Variants in ZCCHC17 observed in about 807,000 individuals in gnomAD.
ZCCHC17 encodes zinc finger CCHC domain-containing protein 17.
A neutral mutation model predicts 30.6 loss-of-function variants in ZCCHC17; 18 were observed. The ratio of observed to expected loss-of-function variants is 0.59; its 90% confidence interval spans 0.41 to 0.87. The LOEUF (loss-of-function observed/expected upper bound fraction) is 0.87. Ranked by LOEUF, ZCCHC17 falls within the 40% of genes least tolerant of loss-of-function variation. The pLI is 0.00. For synonymous variants in ZCCHC17, 88 were observed against 92.4 expected (o/e 0.95, Z 0.27); for missense variants, 263 against 284.2 (o/e 0.93, Z 0.54).
intron 7 of ZCCHC17, among the ~76,000 whole-genome samples, chr1:31,359,394 G>A (rs976099319): frequency 1.3e-5 from 2 of 151,980 alleles, no homozygotes; most frequent in African/African-American, 2.4e-5. Flanking sequence ...GGTGGCATGC[G>A]CCTGTAGTCC....
At chr1:31,320,914 G>T (rs1302874192) in intron 3 of ZCCHC17, among the ~76,000 whole-genome samples, 1 of 152,070 alleles carries the variant, frequency 6.6e-6, no homozygotes, top group Non-Finnish European at 1.5e-5. Context: ...ATGTATGAGG[G>T]TTCTATTTTC....
chr1:31,309,453 T>C (rs1646544805), intron 1 of ZCCHC17, among the ~76,000 whole-genome samples: 3 of 152,282 alleles, frequency 2.0e-5, no homozygotes, highest in Admixed American at 1.3e-4. Context: ...TAGCTGGGAC[T>C]ACAGGCTCCT....
rs1640047697 is a variant in ZCCHC17, at chr1:31,364,279, A to C, written c.*86A>C. On this transcript the variant is annotated 3_prime_UTR_variant, in exon 8 of 8. Coordinates refer to ENST00000344147, the MANE Select transcript of ZCCHC17 (RefSeq NM_016505.4). ...CTCCTGGAAAGACTCAATAGTGAGA[A>C]TATAGCCTCCCACCCCATTAACTTC... 6.7e-7 allele frequency: 1 copy of C among 1,489,040 alleles called. No individual in the cohort carries two copies. Among genetic ancestry groups the C allele is most frequent in the African/African-American group, 1.4e-5 (1 of 70,426 alleles). 92.2% of individuals were successfully genotyped at this position (1,489,040 alleles called of 1,614,324 possible).
At chr1:31,324,278 G>C (rs944204309) in intron 3 of ZCCHC17, among the ~76,000 whole-genome samples, 2 of 152,228 alleles carry the variant, frequency 1.3e-5, no homozygotes, top group African/African-American at 4.8e-5. Context: ...TTCGGGGCCA[G>C]GCTGGGCAAC....
chr1:31,330,258 C>T (rs1161498096), intron 3 of ZCCHC17, among the ~76,000 whole-genome samples: 1 of 152,156 alleles, frequency 6.6e-6, no homozygotes, highest in East Asian at 1.9e-4. Flanking sequence ...CTCTGTTACT[C>T]TCATGTGGTG....
At position 31,297,060 on chromosome 1, in the gene ZCCHC17, C is replaced by T. The variant is rs1646177991; in HGVS notation, c.-71C>T. ...TAGTTCAGCGCAGCGACTCGGGGAC[C>T]TGGAGCTGACGCCTAGTACGTATGA... is the stretch of plus-strand genomic sequence containing the variant. On this transcript the variant is annotated 5_prime_UTR_variant, in exon 1 of 8. Transcript: ENST00000344147. 2.3e-6 allele frequency: 1 copy of T among 442,388 alleles called. No homozygotes were observed. The allele number at this position is 442,388 out of a possible 1,614,324, so 27.4% of individuals were successfully genotyped here. A position where few individuals can be genotyped will look rare whatever the true frequency, so the allele number is the denominator to read the frequency against.
intron 3 of ZCCHC17, among the ~76,000 whole-genome samples, chr1:31,336,932 C>G (rs566648176): frequency 2.8e-5 from 4 of 145,412 alleles, no homozygotes; most frequent in South Asian, 4.4e-4. Flanking sequence ...CCTCAGCCTT[C>G]CAAAGTTCTG....
intron 5 of ZCCHC17, among the ~76,000 whole-genome samples, chr1:31,340,465 G>A (rs763765773): frequency 6.6e-6 from 1 of 151,964 alleles, no homozygotes; most frequent in Non-Finnish European, 1.5e-5. Flanking sequence ...TTACAGGCAT[G>A]TGCCACCATG....
In ZCCHC17 at chr1:31,348,978, A is replaced by C; in HGVS notation, c.564+4A>C. On this transcript the variant is annotated splice_donor_region_variant and intron_variant, in intron 7 of 7. Coordinates refer to ENST00000344147, the MANE Select transcript of ZCCHC17 (RefSeq NM_016505.4). ...TCCTTCTAGAAAAAGAAAGAAGGTGAATGCTACTTTGCTTTTATTTTATCA... is the reference window on the plus strand; with the variant it reads ...TCCTTCTAGAAAAAGAAAGAAGGTGCATGCTACTTTGCTTTTATTTTATCA... 1 of 1,564,980 alleles carries C rather than the reference A, an allele frequency of 6.4e-7. No homozygotes were observed. Among genetic ancestry groups the C allele is most frequent in the East Asian group, 2.2e-5 (1 of 44,450 alleles).
At chr1:31,310,260 T>G in intron 2 of ZCCHC17, 96 bp downstream of exon 2, 2 of 1,282,154 alleles carry the variant, frequency 1.6e-6, no homozygotes, top group Non-Finnish European at 2.2e-6. Flanking sequence ...AAGTCTGTCT[T>G]GAGCATTACA....
intron 5 of ZCCHC17, among the ~76,000 whole-genome samples, chr1:31,343,690 T>A (rs1478409175): frequency 3.5e-3 from 1 of 286 alleles, no homozygotes; most frequent in African/African-American, 3.9e-3. Context: ...AGTATATAAT[T>A]TTTTTTTTTT....
At chr1:31,308,961 T>TA (rs558887733) in intron 1 of ZCCHC17, among the ~76,000 whole-genome samples, 4 of 152,216 alleles carry the variant, frequency 2.6e-5, no homozygotes, top group Non-Finnish European at 5.9e-5. Context: ...ATGATTCCAT[T>TA]AAAAAACCAC....
intron 3 of ZCCHC17, among the ~76,000 whole-genome samples, chr1:31,326,825 CTT>C (rs1638369422): frequency 6.6e-6 from 1 of 152,172 alleles, no homozygotes; most frequent in Admixed American, 6.5e-5. Context: ...TATTGGATAA[CTT>C]GAGCAATTGA....
intron 2 of ZCCHC17, chr1:31,318,278 G>A: frequency 6.7e-7 from 1 of 1,482,248 alleles, no homozygotes; most frequent in Non-Finnish European, 9.1e-7. Flanking sequence ...TAATCATTTA[G>A]TGTTAAATTC....
At chr1:31,328,509 AAAAT>A (rs1206489355) in intron 3 of ZCCHC17, among the ~76,000 whole-genome samples, 4 of 151,942 alleles carry the variant, frequency 2.6e-5, no homozygotes, top group South Asian at 2.1e-4. Context: ...CCCTGTCTCA[AAAAT>A]AAATAAATAA....
At chr1:31,313,307 C>T (rs1168283958) in intron 2 of ZCCHC17, among the ~76,000 whole-genome samples, 2 of 152,040 alleles carry the variant, frequency 1.3e-5, no homozygotes, top group African/African-American at 4.8e-5. Context: ...CTCCTGAGCT[C>T]AAGTGATCTG....
intron 2 of ZCCHC17, among the ~76,000 whole-genome samples, chr1:31,316,289 A>G (rs772967001): frequency 2.0e-5 from 3 of 152,116 alleles, no homozygotes; most frequent in Non-Finnish European, 4.4e-5. Context: ...TTTAGTAGAG[A>G]TGGGGTTTCA....
intron 7 of ZCCHC17, among the ~76,000 whole-genome samples, chr1:31,357,688 G>C (rs1639693975): frequency 6.6e-6 from 1 of 152,064 alleles, no homozygotes; most frequent in Non-Finnish European, 1.5e-5. Context: ...AAGGGAGATA[G>C]GGAGTCCTAG....
At position 31,322,654 on chromosome 1, in the gene ZCCHC17, G is replaced by A. The variant is rs968306604; in HGVS notation, c.124+3488G>A. ...ATAGACATGGTTGATTAAATTATTG[G>A]CCTTCAGTGATAGAGCTCAGTCTCC... On this transcript the variant is annotated intron_variant, in intron 3 of 7. Coordinates refer to ENST00000344147, the MANE Select transcript of ZCCHC17 (RefSeq NM_016505.4). 8.5e-5 allele frequency among the ~76,000 whole-genome samples: 13 copies of A among 152,102 alleles called. No individual in the cohort carries two copies. The South Asian group carries it at 2.7e-3, about 32-fold the overall frequency.
Sources: gnomAD v4.1 joint callset for allele counts (sites outside exome capture counted in the v4.1 genomes callset) on GRCh38, gnomAD v4.1.1 for gene constraint, MANE v1.5 for transcripts, NCBI Gene and HGNC (gene_info 2026-07-23, HGNC 2026-07-21) for gene names.